The following MMD2 variants were observed in gnomAD, a reference collection of about 807,000 sequenced individuals.
MMD2 encodes the protein monocyte to macrophage differentiation factor 2.
MMD2 carries 30 observed loss-of-function variants against 33.5 expected under a neutral mutation model. The observed-to-expected ratio is 0.90, with a 90% confidence interval of 0.67 to 1.22. The LOEUF is 1.22. Among genes scored for constraint, MMD2 ranks in the 50% most tolerant of loss-of-function variants. The pLI is 0.00. For synonymous variants in MMD2, 129 were observed against 123.0 expected (o/e 1.05, Z -0.32); for missense variants, 364 against 325.4 (o/e 1.12, Z -0.91).
the MMD2 span, among the ~76,000 whole-genome samples, chr7:4,895,113 C>T: frequency 2.0e-5 from 3 of 150,794 alleles, no homozygotes; most frequent in Non-Finnish European, 2.9e-5. Context: ...GAGTCTCGCT[C>T]TGTCACCAGA....
chr7:4,926,743 T>A (rs1408311512), intron 1 of MMD2, among the ~76,000 whole-genome samples: 1 of 151,992 alleles, frequency 6.6e-6, no homozygotes, highest in Non-Finnish European at 1.5e-5. Context: ...GTTTTCTTTT[T>A]TTCTTTTTTC....
intron 1 of MMD2, among the ~76,000 whole-genome samples, chr7:4,933,037 A>C (rs1313028460): frequency 6.6e-6 from 1 of 152,046 alleles, no homozygotes; most frequent in African/African-American, 2.4e-5. Context: ...AAGTGAAAAG[A>C]AACTGTACTC....
downstream of MMD2, among the ~76,000 whole-genome samples, chr7:4,903,167 G>C (rs1713248777): frequency 6.6e-6 from 1 of 152,182 alleles, no homozygotes; most frequent in Admixed American, 6.5e-5. Flanking sequence ...GAACCCAGGA[G>C]GCAGAGGTTG....
At chr7:4,927,039 C>T (rs1583376101) in intron 1 of MMD2, among the ~76,000 whole-genome samples, 1 of 151,866 alleles carries the variant, frequency 6.6e-6, no homozygotes, top group South Asian at 2.1e-4. Flanking sequence ...CCACCGCGCC[C>T]GGCCAAGCAA....
intron 1 of MMD2, among the ~76,000 whole-genome samples, chr7:4,944,742 TTTC>T (rs1197989061): frequency 2.8e-4 from 40 of 142,122 alleles, no homozygotes; most frequent in South Asian, 1.1e-3. Context: ...CTTTTTTCTC[TTTC>T]TTCTTCTTCT....
the MMD2 span, among the ~76,000 whole-genome samples, chr7:4,895,782 T>A: frequency 6.6e-6 from 1 of 151,442 alleles, no homozygotes; most frequent in Non-Finnish European, 1.5e-5. Flanking sequence ...GATCTGCCCA[T>A]CTTGGCCTCC....
In MMD2 at chr7:4,940,762, C is replaced by A. The variant is rs931268830; in HGVS notation, c.48-15230G>T. The stretch of plus-strand genomic sequence containing the variant: ...GAAACTGAGCAAGGGGTGGAAGGGG[C>A]CCGGGCTTGCATCTCGTGCCAGAGG... On this transcript the variant is annotated intron_variant, in intron 1 of 6. Transcript: ENST00000401401. This position sits in a 1 kb window ranked among gnomAD's most constrained non-coding sequence, Gnocchi z 5.0. Among the ~76,000 whole-genome samples, 1 of 152,184 alleles carries A rather than the reference C, an allele frequency of 6.6e-6. No individual in the cohort carries two copies. The highest frequency in any genetic ancestry group is 1.5e-5 in the Non-Finnish European group (1 of 68,026).
At chr7:4,893,338 TG>T in the MMD2 span, among the ~76,000 whole-genome samples, 3 of 151,628 alleles carry the variant, frequency 2.0e-5, no homozygotes, top group Non-Finnish European at 2.9e-5. Flanking sequence ...CAAGGGCTGC[TG>T]GTTGGCTATT....
the MMD2 span, among the ~76,000 whole-genome samples, chr7:4,900,313 G>C: frequency 6.6e-6 from 1 of 152,092 alleles, no homozygotes; most frequent in African/African-American, 2.4e-5. Flanking sequence ...TTTTGGAAGA[G>C]CAAAATACAA....
At chr7:4,909,673 C>T (rs1266640504) in intron 6 of MMD2, 13 of 747,926 alleles carry the variant, frequency 1.7e-5, no homozygotes, top group Non-Finnish European at 2.6e-5. Flanking sequence ...TGGACTCAAA[C>T]TATCCTCCCA....
At chr7:4,895,169 C>T in the MMD2 span, among the ~76,000 whole-genome samples, 1 of 152,030 alleles carries the variant, frequency 6.6e-6, no homozygotes, top group African/African-American at 2.4e-5. Context: ...CCTCCGCTCC[C>T]AGGTTCAGAC....
rs547525387 is a variant in MMD2, at chr7:4,926,993, C to G, written c.48-1461G>C. On this transcript the variant is annotated intron_variant, in intron 1 of 6. Transcript: ENST00000401401. ...ATTCCTGACCTCGTGATCCGCCTGC[C>G]TCGGCCTCCCAAAGTGCTGGATTTA... 2.6e-5 allele frequency among the ~76,000 whole-genome samples: 4 copies of G among 151,892 alleles called. No individual in the cohort carries two copies. The East Asian group carries it at 8.0e-4, about 30-fold the overall frequency.
At chr7:4,910,138 G>A in intron 5 of MMD2, 188 bp from the exon 6 acceptor site, 1 of 1,329,282 alleles carries the variant, frequency 7.5e-7, no homozygotes, top group Non-Finnish European at 1.0e-6. Context: ...TGGCAGTTAT[G>A]TGACCCTGGG....
At chr7:4,933,191 G>A (rs1014948432) in intron 1 of MMD2, among the ~76,000 whole-genome samples, 1 of 151,188 alleles carries the variant, frequency 6.6e-6, no homozygotes, top group Non-Finnish European at 1.5e-5. Flanking sequence ...GCAAGACCCG[G>A]TCTCTACAAA....
chr7:4,959,132 G>T lies in MMD2; in HGVS notation c.-115C>A, dbSNP rs767488575. On this transcript the variant is annotated 5_prime_UTR_variant, in exon 1 of 7. Coordinates refer to ENST00000401401, the MANE Select transcript of MMD2 (RefSeq NM_198403.4). Reference sequence around the variant, plus strand: ...GAGGGCGCGCGGCGGGGGCCAAGGGGACCTGGTCGGCGCCCGGAGCCGGAG... The same window carrying T: ...GAGGGCGCGCGGCGGGGGCCAAGGGTACCTGGTCGGCGCCCGGAGCCGGAG... 106 of 836,386 alleles carry T rather than the reference G, an allele frequency of 1.3e-4. No homozygotes were observed. The highest frequency in any genetic ancestry group is 1.6e-4 in the Non-Finnish European group (102 of 631,902). 51.8% of individuals were successfully genotyped at this position (836,386 alleles called of 1,614,324 possible).
chr7:4,945,073 C>T (rs1786019190), intron 1 of MMD2, among the ~76,000 whole-genome samples: 2 of 151,184 alleles, frequency 1.3e-5, no homozygotes, highest in Admixed American at 1.3e-4. Flanking sequence ...TCCTCCTCCT[C>T]CCCCCGACCC....
At position 4,958,985 on chromosome 7, in the gene MMD2, C is replaced by A. The variant is rs187126919; in HGVS notation, c.33G>T (p.Lys11Asn). 1.4e-4 allele frequency: 185 copies of A among 1,285,970 alleles called. No individual in the cohort carries two copies. The African/African-American group carries it at 2.4e-3, about 17-fold the overall frequency. 79.7% of individuals were successfully genotyped at this position (1,285,970 alleles called of 1,614,324 possible). Residue 11 changes from lysine to asparagine, a missense_variant, in exon 1 of 7, where the codon AAG becomes AAT. Transcript: ENST00000401401. ...CCGCCGCTCACCTCGCGTATTTCGT[C>A]TTCTGGAAATCCAGCAGCCGGGGGG... The part of the protein sequence containing the change: MFAPRLLDFQ[K>N]TKYARFMNHR...
the MMD2 span, among the ~76,000 whole-genome samples, chr7:4,900,525 C>T: frequency 6.6e-6 from 1 of 152,196 alleles, no homozygotes; most frequent in Non-Finnish European, 1.5e-5. Context: ...TTAATTTCAC[C>T]CTACCAGTCT....
At chr7:4,915,790 A>G (rs1227936692) in intron 4 of MMD2, among the ~76,000 whole-genome samples, 3 of 152,010 alleles carry the variant, frequency 2.0e-5, no homozygotes, top group African/African-American at 7.2e-5. Flanking sequence ...TTTTCTGCAT[A>G]AAATAACTCA....
Sources: allele counts gnomAD v4.1 joint callset (sites outside exome capture counted in the v4.1 genomes callset), GRCh38; gene constraint gnomAD v4.1.1; non-coding constraint Gnocchi (gnomAD v3.1); transcripts MANE v1.5; gene names NCBI Gene and HGNC (gene_info 2026-07-23, HGNC 2026-07-21).